The following MYLK2 variants were observed in gnomAD, a reference collection of about 807,000 sequenced individuals.
MYLK2 encodes myosin light chain kinase 2, skeletal/cardiac muscle.
In MYLK2, 27 loss-of-function variants were observed where a neutral mutation model predicts 58.2. The observed-to-expected ratio is 0.46, with a 90% CI of 0.34 to 0.64. The LOEUF (loss-of-function observed/expected upper bound fraction) is 0.64. MYLK2 is among the 30% of genes least tolerant of loss of function. The probability of loss-of-function intolerance (pLI) is 0.01; values close to 1 mark genes in which losing one functional copy is unlikely to be tolerated. For synonymous variants in MYLK2, 310 were observed against 296.7 expected (o/e 1.04, Z -0.46); for missense variants, 676 against 764.3 (o/e 0.88, Z 1.36).
rs183715719 is a variant in MYLK2, at chr20:31,833,237, G to A, written c.1711-480G>A. Among the ~76,000 whole-genome samples the A allele has an allele frequency of 2.0e-5, 3 of 152,282 alleles. No individual in the cohort carries two copies. The East Asian group carries it at 5.8e-4, about 29-fold the overall frequency. On this transcript the variant is annotated intron_variant, in intron 12 of 12. Transcript: ENST00000375985. Reference sequence around the variant, plus strand: ...GCATGTGAACAAAGACCTGAAGGTGGGGAGGGGTGAGCCGTGCCAATACTG... The same window carrying A: ...GCATGTGAACAAAGACCTGAAGGTGAGGAGGGGTGAGCCGTGCCAATACTG...
At chr20:31,830,462 C>T (rs1248239714) in intron 8 of MYLK2, among the ~76,000 whole-genome samples, 1 of 152,142 alleles carries the variant, frequency 6.6e-6, no homozygotes, top group Admixed American at 6.5e-5. Flanking sequence ...CTGCACTGGC[C>T]CCCCAGCCTG....
chr20:31,819,762 AT>A (rs1469477729), intron 2 of MYLK2, 130 bp downstream of exon 2: 65 of 1,142,262 alleles, frequency 5.7e-5, no homozygotes, highest in Middle Eastern at 2.6e-4. Flanking sequence ...GGACCCAGAA[AT>A]CAGAGGAATC....
chr20:31,830,968 G>T, intron 9 of MYLK2, 45 bp from the exon 10 acceptor site: 1 of 1,614,138 alleles, frequency 6.2e-7, no homozygotes, highest in Non-Finnish European at 8.5e-7. Context: ...GGGGGCATGG[G>T]TATAGGCCAG....
At chr20:31,829,609 G>T (rs1469052525) in intron 8 of MYLK2, among the ~76,000 whole-genome samples, 1 of 152,156 alleles carries the variant, frequency 6.6e-6, no homozygotes, top group African/African-American at 2.4e-5. Context: ...GGAGGGATCA[G>T]GGGGTGGTGG....
chr20:31,833,322 G>A (rs1329361064), intron 12 of MYLK2, among the ~76,000 whole-genome samples: 1 of 152,184 alleles, frequency 6.6e-6, no homozygotes, highest in Non-Finnish European at 1.5e-5. Context: ...GCAGAGGTGT[G>A]GTTGGAGAGT....
chr20:31,826,378 T>C (rs900108187), intron 6 of MYLK2, among the ~76,000 whole-genome samples: 5 of 150,810 alleles, frequency 3.3e-5, no homozygotes, highest in African/African-American at 1.2e-4. Flanking sequence ...GATCTTGGCA[T>C]GTCAGTACTC....
rs41293106 is a variant in MYLK2 at position 31,824,298 on chromosome 20, C to G, written c.918C>G (p.Ala306=). The G allele has an allele frequency of 1.2e-6, 2 of 1,613,586 alleles. No homozygotes were observed. Among genetic ancestry groups the G allele is most frequent in the East Asian group, 4.5e-5 (2 of 44,894 alleles). ...FGAVCTCMEK[A]TGLKLAAKVI... ...CAGTCTGTACCTGCATGGAGAAAGC[C>G]ACAGGCCTCAAGCTGGCAGCCAAGG... Residue 306 remains alanine, a synonymous_variant, in exon 6 of 13, where the codon GCC becomes GCG. Transcript: ENST00000375985.
chr20:31,828,677 G>T lies in MYLK2; in HGVS notation c.1224+1739G>T, dbSNP rs747003702. 4.2e-4 allele frequency: 416 copies of T among 985,358 alleles called. 3 individuals are homozygous for T. Among genetic ancestry groups the T allele is most frequent in the Middle Eastern group, 2.1e-3 (4 of 1,936 alleles). 61.0% of individuals were successfully genotyped at this position (985,358 alleles called of 1,614,324 possible). A position where few individuals can be genotyped will look rare whatever the true frequency, so the allele number is the denominator to read the frequency against. On this transcript the variant is annotated intron_variant, in intron 8 of 12. Coordinates refer to ENST00000375985, the MANE Select transcript of MYLK2 (RefSeq NM_033118.4). Reference sequence around the variant, plus strand: ...TGAAGTCAGCACGGGTCTGAAGCAGGCAGGGAGATGCTGTTGCCGCCTCTA... The same window carrying T: ...TGAAGTCAGCACGGGTCTGAAGCAGTCAGGGAGATGCTGTTGCCGCCTCTA...
At position 31,821,556 on chromosome 20, in the gene MYLK2, G is replaced by A; in HGVS notation, c.591G>A (p.Lys197=). Residue 197 remains lysine, a synonymous_variant, in exon 4 of 13, where the codon AAG becomes AAA. Coordinates refer to ENST00000375985, the MANE Select transcript of MYLK2 (RefSeq NM_033118.4). ...GGCCAGCCAAGGCAGAAGAAGGAAA[G>A]AACATCCTGGCAGAGAGCCAGAAGG... ...DPRPAKAEEG[K]NILAESQKEV... is the part of the protein sequence containing the mutation. 6.2e-7 allele frequency: 1 copy of A among 1,614,102 alleles called. No individual in the cohort carries two copies. The highest frequency in any genetic ancestry group is 8.5e-7 in the Non-Finnish European group (1 of 1,180,034).
At position 31,828,600 on chromosome 20, in the gene MYLK2, A is replaced by G. The variant is rs1212429271; in HGVS notation, c.1224+1662A>G. On this transcript the variant is annotated intron_variant, in intron 8 of 12. Transcript: ENST00000375985. ...CTAAATAGGTCATTTTAAGCCATGA[A>G]AAGTGTTTGAGAAAATACACGAGAG... 4 of 985,270 alleles carry G rather than the reference A, an allele frequency of 4.1e-6. No homozygotes were observed. The African/African-American group carries it at 7.0e-5, about 17-fold the overall frequency. 61.0% of individuals were successfully genotyped at this position (985,270 alleles called of 1,614,324 possible).
Position 31,831,803 on chromosome 20 carries a change from G to T in MYLK2, c.1525G>T (p.Val509Leu). Reference protein sequence around the residue: ...WYFDEETFEAVSDEAKDFVSN... With the variant: ...WYFDEETFEALSDEAKDFVSN... ...CTTTGATGAAGAGACCTTTGAGGCC[G>T]TATCAGACGAGGCCAAAGACTTTGT... The change falls in exon 11 of 13, where the codon GTA (valine) becomes TTA (leucine). Residue 509 changes from valine (V) to leucine (L), a missense_variant. By Grantham distance (32) the Val-to-Leu change is conservative. Around this residue, in one of 2 missense-constraint regions of MYLK2, gnomAD observed 370 missense variants for 467.8 expected, o/e 0.79. Transcript: ENST00000375985. 4 of 1,614,166 alleles carry T rather than the reference G, an allele frequency of 2.5e-6. No homozygotes were observed. In the South Asian group the frequency reaches 4.4e-5, roughly 18 times the overall value.
At chr20:31,825,244 GACA>G (rs778969311) in intron 6 of MYLK2, among the ~76,000 whole-genome samples, 1 of 152,190 alleles carries the variant, frequency 6.6e-6, no homozygotes, top group Non-Finnish European at 1.5e-5. Flanking sequence ...TTTTCTATGT[GACA>G]ACGTCCTTTT....
Position 31,820,462 on chromosome 20 carries a change from A to G in MYLK2, c.389A>G (p.Lys130Arg), listed in dbSNP as rs1203086282. Residue 130 changes from lysine to arginine, a missense_variant, in exon 3 of 13, where the codon AAG becomes AGG. Lys to Arg is a conservative substitution (Grantham distance 26). This residue lies in a region of MYLK2 where 306 missense variants were observed against 296.5 expected (regional missense o/e 1.03). Coordinates refer to ENST00000375985, the MANE Select transcript of MYLK2 (RefSeq NM_033118.4). ...SQDPGKPRVG[K>R]KAAEGQAAAR... is the part of the protein sequence containing the mutation. Reference sequence around the variant, plus strand: ...GATCCTGGAAAGCCCAGGGTGGGCAAGAAGGCAGCAGAGGGCCAAGCAGCA... The same window carrying G: ...GATCCTGGAAAGCCCAGGGTGGGCAGGAAGGCAGCAGAGGGCCAAGCAGCA... The G allele has an allele frequency of 6.2e-7, 1 of 1,611,338 alleles. No homozygotes were observed. The highest frequency in any genetic ancestry group is 2.2e-5 in the East Asian group (1 of 44,896).
In MYLK2 at chr20:31,821,609, C is replaced by T. The variant is rs1370222906; in HGVS notation, c.644C>T (p.Ala215Val). 1 of 1,614,114 alleles carries T rather than the reference C, an allele frequency of 6.2e-7. No individual in the cohort carries two copies. Among genetic ancestry groups the T allele is most frequent in the East Asian group, 2.2e-5 (1 of 44,888 alleles). Reference protein sequence around the residue: ...KEVGEKTPGQAGQAKMQGDTS... With the variant: ...KEVGEKTPGQVGQAKMQGDTS... Reference sequence around the variant, plus strand: ...GTGGGAGAGAAAACCCCAGGCCAGGCTGGCCAGGCTAAGATGCAAGGGGAC... The same window carrying T: ...GTGGGAGAGAAAACCCCAGGCCAGGTTGGCCAGGCTAAGATGCAAGGGGAC... Residue 215 changes from alanine to valine, a missense_variant, in exon 4 of 13, where the codon GCT becomes GTT. Around this residue, in one of 2 missense-constraint regions of MYLK2, gnomAD observed 306 missense variants for 296.5 expected, o/e 1.03. Coordinates refer to ENST00000375985, the MANE Select transcript of MYLK2 (RefSeq NM_033118.4).
intron 8 of MYLK2, 34 bp downstream of exon 8, chr20:31,826,972 G>A (rs1375840487): frequency 1.2e-6 from 2 of 1,613,386 alleles, no homozygotes; most frequent in African/African-American, 1.3e-5. Context: ...AAGGGTCAGG[G>A]GCAGCCTCCG....
In MYLK2 at chr20:31,831,165, T is replaced by G; in HGVS notation, c.1424+24T>G. ...CTGTGAGCTCCCAGGCGGGTCGTGT[T>G]TATGGGGTTGGTGGGGCATGGGGGC... is the stretch of plus-strand genomic sequence containing the variant. On this transcript the variant is annotated intron_variant, in intron 10 of 12. Transcript: ENST00000375985. The G allele has an allele frequency of 1.9e-6, 3 of 1,613,744 alleles. No individual in the cohort carries two copies. The Admixed American group carries it at 5.0e-5, about 27-fold the overall frequency.
chr20:31,819,488 AGG>A lies in MYLK2; in HGVS notation c.-48-42_-48-41del, dbSNP rs1045093501. The A allele has an allele frequency of 5.6e-5, 85 of 1,507,348 alleles. No homozygotes were observed. The African/African-American group carries it at 1.1e-3, about 19-fold the overall frequency. 93.4% of individuals were successfully genotyped at this position (1,507,348 alleles called of 1,614,324 possible). On this transcript the variant is annotated intron_variant, in intron 1 of 12. Coordinates refer to ENST00000375985, the MANE Select transcript of MYLK2 (RefSeq NM_033118.4). ...TCCTGTCTCACTGCAGCCAGACGAG[AGG>A]GGAAATTGGACAGCCTGACACACTC...
rs774113479 is a variant in MYLK2, at chr20:31,831,691, C to T, written c.1425-12C>T. 1.1e-5 allele frequency: 17 copies of T among 1,613,862 alleles called. No homozygotes were observed. Among genetic ancestry groups the T allele is most frequent in the Non-Finnish European group, 1.4e-5 (16 of 1,179,964 alleles). On this transcript the variant is annotated splice_polypyrimidine_tract_variant and intron_variant, in intron 10 of 12. Transcript: ENST00000375985. ...TCTCACCTCCCTGCCCCCTGCTATC[C>T]CCTCCCTCTAGGCTGAGCGGCCTCT... is the stretch of plus-strand genomic sequence containing the variant.
Position 31,821,487 on chromosome 20 carries a change from C to G in MYLK2, c.522C>G (p.Leu174=). Residue 174 remains leucine, a synonymous_variant, in exon 4 of 13, where the codon CTC becomes CTG. Transcript: ENST00000375985. ...AGCCCCCAAGCGAGGCATCAGAGCT[C>G]ACCTTTGAAGGGGTGCCCATGACCC... ...AKKPPSEASE[L]TFEGVPMTHS... is the part of the protein sequence containing the mutation. 6.2e-7 allele frequency: 1 copy of G among 1,613,970 alleles called. No individual in the cohort carries two copies. Among genetic ancestry groups the G allele is most frequent in the Non-Finnish European group, 8.5e-7 (1 of 1,180,036 alleles).
Sources: gnomAD v4.1 joint callset for allele counts (sites outside exome capture counted in the v4.1 genomes callset) on GRCh38, gnomAD v4.1.1 for gene constraint, gnomAD v4.1.1 regional missense constraint, MANE v1.5 for transcripts, NCBI Gene and HGNC (gene_info 2026-07-23, HGNC 2026-07-21) for gene names.